Variants in AHI1 observed in about 807,000 individuals in gnomAD.
The protein encoded by AHI1 is Abelson helper integration site 1, also known as jouberin.
A neutral mutation model predicts 149.3 loss-of-function variants in AHI1; 123 were observed. The observed-to-expected ratio is 0.82, with a 90% CI of 0.71 to 0.96. The LOEUF (loss-of-function observed/expected upper bound fraction) is 0.96. AHI1 is among the 40% of genes least tolerant of loss of function. The pLI is 0.00. For missense variants in AHI1, 1,439 were observed against 1,422.7 expected (o/e 1.01, Z -0.18); for synonymous variants, 475 against 459.8 (o/e 1.03, Z -0.42).
chr6:135,482,309 A>G (rs1023551963), intron 5 of AHI1, among the ~76,000 whole-genome samples: 4 of 152,206 alleles, frequency 2.6e-5, no homozygotes, highest in Non-Finnish European at 5.9e-5. Flanking sequence ...GGCAGTATAA[A>G]CAAAAAGCCT....
At chr6:135,345,443 G>A (rs895816981) in intron 24 of AHI1, among the ~76,000 whole-genome samples, 3 of 152,036 alleles carry the variant, frequency 2.0e-5, no homozygotes, top group African/African-American at 7.2e-5. Context: ...TGAATTAATG[G>A]ATAAAAAATG....
chr6:135,348,303 T>C (rs1046403866), intron 24 of AHI1, among the ~76,000 whole-genome samples: 2 of 152,190 alleles, frequency 1.3e-5, no homozygotes, highest in African/African-American at 4.8e-5. Flanking sequence ...TCCATAATAA[T>C]GTGTGTTAAA....
chr6:135,405,064 A>G, intron 21 of AHI1, 87 bp from the exon 22 acceptor site: 2 of 1,126,794 alleles, frequency 1.8e-6, no homozygotes, highest in Non-Finnish European at 2.6e-6. Context: ...TTATCTTCTA[A>G]TAACCTAAAT....
At chr6:135,396,580 T>C (rs1164180525) in intron 22 of AHI1, among the ~76,000 whole-genome samples, 1 of 151,860 alleles carries the variant, frequency 6.6e-6, no homozygotes, top group Non-Finnish European at 1.5e-5. Context: ...GGTAATTAGG[T>C]ATTTATGATG....
chr6:135,313,274 A>G (rs1785467251), intron 26 of AHI1, among the ~76,000 whole-genome samples: 1 of 152,244 alleles, frequency 6.6e-6, no homozygotes, highest in Admixed American at 6.5e-5. Context: ...AGAAAAAAAT[A>G]TATGCAGGAT....
At chr6:135,338,025 C>A (rs922226466) in intron 24 of AHI1, among the ~76,000 whole-genome samples, 1 of 152,018 alleles carries the variant, frequency 6.6e-6, no homozygotes, top group Non-Finnish European at 1.5e-5. Flanking sequence ...TGGCTGGGCG[C>A]GGTGGCTCAC....
In AHI1 at chr6:135,385,211, T is replaced by C. The variant is rs75152179; in HGVS notation, c.3109+9565A>G. Among the ~76,000 whole-genome samples the C allele has an allele frequency of 5.6e-4, 86 of 152,256 alleles. 2 individuals are homozygous for C. In the East Asian group the frequency reaches 0.016, roughly 29 times the overall value. On this transcript the variant is annotated intron_variant, in intron 23 of 28. Transcript: ENST00000265602. ...ACATCTAGAGTTCAGAAAAGAGGTA[T>C]GGGTTGAAGATAAATATCTGAAAAT... is the stretch of plus-strand genomic sequence containing the variant.
chr6:135,416,829 G>T lies in AHI1; in HGVS notation c.2765-5285C>A, dbSNP rs536813720. 9.2e-5 allele frequency among the ~76,000 whole-genome samples: 14 copies of T among 152,088 alleles called. No individual in the cohort carries two copies. In the East Asian group the frequency reaches 2.7e-3, roughly 29 times the overall value. On this transcript the variant is annotated intron_variant, in intron 20 of 28. Transcript: ENST00000265602. ...CTCTCCCTGCTAGTGAGTACCAAAG[G>T]ATATTATCAAGGGAGAGGACCTGCT...
intron 5 of AHI1, among the ~76,000 whole-genome samples, chr6:135,472,768 G>A (rs1358521866): frequency 1.3e-5 from 2 of 151,358 alleles, no homozygotes; most frequent in East Asian, 3.9e-4. Context: ...CTTTACATGT[G>A]TCTATTTGCT....
At chr6:135,332,070 GTT>G (rs1347099809) in intron 24 of AHI1, among the ~76,000 whole-genome samples, 5 of 136,682 alleles carry the variant, frequency 3.7e-5, no homozygotes, top group Non-Finnish European at 6.4e-5. Flanking sequence ...TCAGGTTTAG[GTT>G]TTTTTTTTTT....
intron 23 of AHI1, among the ~76,000 whole-genome samples, chr6:135,376,182 T>C (rs1281914200): frequency 6.6e-6 from 1 of 152,140 alleles, no homozygotes; most frequent in Non-Finnish European, 1.5e-5. Flanking sequence ...CACCATTTTG[T>C]ATCCTCAGCC....
At chr6:135,374,797 A>G (rs1336369051) in intron 23 of AHI1, among the ~76,000 whole-genome samples, 1 of 152,214 alleles carries the variant, frequency 6.6e-6, no homozygotes, top group African/African-American at 2.4e-5. Context: ...TTGACTTATG[A>G]AGGTCTGACT....
At chr6:135,442,759 A>C (rs1170027561) in intron 13 of AHI1, 45 bp from the exon 14 acceptor site, 2 of 1,528,430 alleles carry the variant, frequency 1.3e-6, no homozygotes, top group Admixed American at 1.9e-5. Flanking sequence ...AAACATTAAA[A>C]CGCGAAGGCT....
At chr6:135,492,728 A>G (rs1583518279) in intron 3 of AHI1, 1 of 985,304 alleles carries the variant, frequency 1.0e-6, no homozygotes. Flanking sequence ...GAATTTAAAT[A>G]CCTCTGTGTC....
chr6:135,421,034 T>C (rs1439811080), intron 20 of AHI1, among the ~76,000 whole-genome samples: 5 of 152,098 alleles, frequency 3.3e-5, no homozygotes, highest in Admixed American at 1.3e-4. Context: ...TCTCAGAGAA[T>C]AGGGAGGCCT....
chr6:135,491,444 T>G (rs938305606), intron 4 of AHI1, among the ~76,000 whole-genome samples: 1 of 152,208 alleles, frequency 6.6e-6, no homozygotes, highest in African/African-American at 2.4e-5. Context: ...ATTCCTCACC[T>G]GGCTGGTGTT....
chr6:135,371,648 G>A lies in AHI1; in HGVS notation c.3110-13461C>T, dbSNP rs555494945. On this transcript the variant is annotated intron_variant, in intron 23 of 28. Coordinates refer to ENST00000265602, the MANE Select transcript of AHI1 (RefSeq NM_001134831.2). ...ATAATCTTTTCAACTAATCTTCTATGTGAACATCCTTTCTACTCTAGAGAT... is the reference window on the plus strand; with the variant it reads ...ATAATCTTTTCAACTAATCTTCTATATGAACATCCTTTCTACTCTAGAGAT... Among the ~76,000 whole-genome samples the A allele has an allele frequency of 5.3e-5, 8 of 152,228 alleles. No individual in the cohort carries two copies. The East Asian group carries it at 1.5e-3, about 29-fold the overall frequency.
chr6:135,495,238 T>G (rs942509893), intron 3 of AHI1: 1 of 152,188 alleles, frequency 6.6e-6, no homozygotes, highest in African/African-American at 2.4e-5. Context: ...AATTCAAATG[T>G]GATGGTGTCG....
intron 15 of AHI1, among the ~76,000 whole-genome samples, chr6:135,434,013 T>C (rs1785027593): frequency 6.6e-6 from 1 of 152,010 alleles, no homozygotes; most frequent in African/African-American, 2.4e-5. Flanking sequence ...TGTATAAAAC[T>C]AGGTGAAATC....
Sources: gnomAD v4.1 joint callset for allele counts (sites outside exome capture counted in the v4.1 genomes callset) on GRCh38, gnomAD v4.1.1 for gene constraint, MANE v1.5 for transcripts, NCBI Gene and HGNC (gene_info 2026-07-23, HGNC 2026-07-21) for gene names.